The following CACNA2D3 variants were observed in gnomAD, a reference collection of about 807,000 sequenced individuals.
CACNA2D3 encodes the protein calcium voltage-gated channel auxiliary subunit alpha2delta 3.
A neutral mutation model predicts 160.6 loss-of-function variants in CACNA2D3; 60 were observed. That is an observed-to-expected ratio of 0.37 (90% CI 0.30 to 0.46). CACNA2D3 has a LOEUF of 0.46. Among genes scored for constraint, CACNA2D3 ranks in the 20% least tolerant of loss-of-function variants. The pLI, the probability that CACNA2D3 is intolerant of heterozygous loss-of-function variation, is 1.00. For synonymous variants in CACNA2D3, 558 were observed against 492.9 expected, an observed-to-expected ratio of 1.13 and a Z score of -1.75; for missense variants, 1,205 against 1,365.0, an observed-to-expected ratio of 0.88 and a Z score of 1.85.
chr3:54,496,173 T>G (rs1358967499), intron 4 of CACNA2D3, among the ~76,000 whole-genome samples: 1 of 152,194 alleles, frequency 6.6e-6, no homozygotes, highest in Non-Finnish European at 1.5e-5. Flanking sequence ...TAGCTAGAAG[T>G]GGAATTGCTG....
chr3:54,760,110 G>T (rs1702053224), intron 12 of CACNA2D3, among the ~76,000 whole-genome samples: 1 of 152,146 alleles, frequency 6.6e-6, no homozygotes, highest in African/African-American at 2.4e-5. Context: ...ATTTCGTGGA[G>T]CTAATATTCC....
chr3:54,229,304 G>T (rs1315745875), intron 2 of CACNA2D3, among the ~76,000 whole-genome samples: 1 of 151,512 alleles, frequency 6.6e-6, no homozygotes, highest in East Asian at 1.9e-4. Context: ...CCATTCTCCT[G>T]CCTCAGCCTC....
chr3:54,736,142 C>CATATATATATATGTATATATATAT lies in CACNA2D3; in HGVS notation c.1168-16456_1168-16455insTATATATATATGTATATATATATA, dbSNP rs1559563872. On this transcript the variant is annotated intron_variant, in intron 11 of 37. Transcript: ENST00000474759. Reference sequence around the variant, plus strand: ...ATACATATATATATGTATATATATACACACACACACACACACACACACAGA... The same window carrying CATATATATATATGTATATATATAT: ...ATACATATATATATGTATATATATACATATATATATATGTATATATATATACACACACACACACACACACACAGA... 1.0e-4 allele frequency among the ~76,000 whole-genome samples: 7 copies of CATATATATATATGTATATATATAT among 69,148 alleles called. 1 individual carries two copies. Among genetic ancestry groups the CATATATATATATGTATATATATAT allele is most frequent in the East Asian group, 7.3e-4 (2 of 2,724 alleles). The allele number at this position is 69,148 out of a possible 152,430, so 45.4% of individuals were successfully genotyped here. A position where few individuals can be genotyped will look rare whatever the true frequency, so the allele number is the denominator to read the frequency against.
At chr3:54,249,994 G>C (rs1575344107) in intron 2 of CACNA2D3, among the ~76,000 whole-genome samples, 1 of 152,214 alleles carries the variant, frequency 6.6e-6, no homozygotes, top group South Asian at 2.1e-4. Flanking sequence ...TCATTTGGTA[G>C]GGTTCCCCAG....
intron 11 of CACNA2D3, among the ~76,000 whole-genome samples, chr3:54,655,344 G>A (rs993538500): frequency 2.0e-5 from 3 of 152,176 alleles, no homozygotes; most frequent in African/African-American, 7.2e-5. Flanking sequence ...TAAACAAAAT[G>A]TTGCGCTCCC....
intron 35 of CACNA2D3, among the ~76,000 whole-genome samples, chr3:55,027,233 T>A (rs1703582162): frequency 6.6e-6 from 1 of 152,200 alleles, no homozygotes; most frequent in Non-Finnish European, 1.5e-5. Context: ...TTTCGTTGAG[T>A]GCTTTTGAAG....
At chr3:54,128,477 T>C (rs370289985) in intron 2 of CACNA2D3, among the ~76,000 whole-genome samples, 1 of 152,172 alleles carries the variant, frequency 6.6e-6, no homozygotes, top group Admixed American at 6.5e-5. Context: ...CCCACTTACA[T>C]TGATCAATCC....
intron 2 of CACNA2D3, among the ~76,000 whole-genome samples, chr3:54,166,143 T>A (rs2107304335): frequency 6.6e-6 from 1 of 152,310 alleles, no homozygotes; most frequent in East Asian, 1.9e-4. Flanking sequence ...ACTATCCATG[T>A]CAAGCTGGCT....
chr3:54,260,511 A>G (rs1359596842), intron 2 of CACNA2D3, among the ~76,000 whole-genome samples: 4 of 152,124 alleles, frequency 2.6e-5, no homozygotes, highest in African/African-American at 9.7e-5. Flanking sequence ...CAGTCATATA[A>G]TGAAGGTCCC....
chr3:54,436,625 T>C (rs1575453611), intron 4 of CACNA2D3, among the ~76,000 whole-genome samples: 1 of 152,354 alleles, frequency 6.6e-6, no homozygotes, highest in Non-Finnish European at 1.5e-5. Context: ...CCATGTCCTT[T>C]GCAGGGACAT....
chr3:54,806,819 G>A (rs917101922), intron 13 of CACNA2D3, among the ~76,000 whole-genome samples: 1 of 152,124 alleles, frequency 6.6e-6, no homozygotes, highest in African/African-American at 2.4e-5. Flanking sequence ...CAAGGCTACA[G>A]TAACCAAAAC....
At chr3:54,310,974 G>C (rs7431401) in intron 2 of CACNA2D3, among the ~76,000 whole-genome samples, 12,755 of 152,136 alleles carry the variant, frequency 0.084, 761 homozygotes, top group South Asian at 0.13. Flanking sequence ...AGAGTCCCTG[G>C]TCCTCGGCAC....
At chr3:54,264,011 C>G (rs1020666558) in intron 2 of CACNA2D3, among the ~76,000 whole-genome samples, 2 of 152,134 alleles carry the variant, frequency 1.3e-5, no homozygotes, top group African/African-American at 4.8e-5. Flanking sequence ...ATGTTGCCTT[C>G]TATGTTACAT....
intron 3 of CACNA2D3, among the ~76,000 whole-genome samples, chr3:54,361,426 C>T (rs887461059): frequency 6.6e-6 from 1 of 152,158 alleles, no homozygotes; most frequent in Non-Finnish European, 1.5e-5. Context: ...ATTTTAGGCC[C>T]AGTTCAGCTT....
intron 31 of CACNA2D3, among the ~76,000 whole-genome samples, chr3:54,994,004 G>A (rs1183813240): frequency 2.6e-5 from 4 of 151,694 alleles, no homozygotes; most frequent in East Asian, 3.9e-4. Flanking sequence ...GCTTTTACCT[G>A]TCCAAGGCCA....
At chr3:54,421,175 G>A (rs1329403089) in intron 4 of CACNA2D3, among the ~76,000 whole-genome samples, 1 of 152,188 alleles carries the variant, frequency 6.6e-6, no homozygotes, top group East Asian at 1.9e-4. Context: ...GTGGTGTGTG[G>A]GAACATATCT....
At chr3:55,035,500 G>A (rs1042453147) in intron 35 of CACNA2D3, among the ~76,000 whole-genome samples, 1 of 152,200 alleles carries the variant, frequency 6.6e-6, no homozygotes, top group East Asian at 1.9e-4. Flanking sequence ...TGCTCAGGAT[G>A]TATAAAGTCA....
At chr3:55,035,411 T>C (rs1222416561) in intron 35 of CACNA2D3, among the ~76,000 whole-genome samples, 1 of 152,166 alleles carries the variant, frequency 6.6e-6, no homozygotes, top group Non-Finnish European at 1.5e-5. Context: ...AGCATGGCTA[T>C]AAGTACAACT....
intron 35 of CACNA2D3, among the ~76,000 whole-genome samples, chr3:55,043,403 C>T (rs112373756): frequency 0.013 from 1,879 of 146,938 alleles, 23 homozygotes; most frequent in Non-Finnish European, 0.021. Context: ...ACTTCCATGA[C>T]GAATAATGAT....
Sources: allele counts gnomAD v4.1 joint callset (sites outside exome capture counted in the v4.1 genomes callset), GRCh38; gene constraint gnomAD v4.1.1; transcripts MANE v1.5; gene names NCBI Gene and HGNC (gene_info 2026-07-23, HGNC 2026-07-21).